Variants in CHN2 observed in about 807,000 individuals in gnomAD.
CHN2 encodes chimerin 2.
In CHN2, 35 loss-of-function variants were observed where a neutral mutation model predicts 56.3. That is an observed-to-expected ratio of 0.62 (90% CI 0.47 to 0.82). CHN2 has a LOEUF of 0.82. Ranked by LOEUF, CHN2 falls within the 40% of genes least tolerant of loss-of-function variation. The probability of loss-of-function intolerance (pLI) is 0.00; values close to 1 mark genes in which losing one functional copy is unlikely to be tolerated. For synonymous variants in CHN2, 210 were observed against 212.8 expected (o/e 0.99, Z 0.12); for missense variants, 491 against 580.5 (o/e 0.85, Z 1.58).
At chr7:29,223,447 A>G (rs554691654) in intron 1 of CHN2, among the ~76,000 whole-genome samples, 2 of 152,270 alleles carry the variant, frequency 1.3e-5, no homozygotes, top group South Asian at 2.1e-4. Context: ...ATCAATCACT[A>G]TGCTGACTTC....
intron 7 of CHN2, among the ~76,000 whole-genome samples, chr7:29,490,044 T>C (rs773026398): frequency 6.6e-6 from 1 of 152,072 alleles, no homozygotes; most frequent in Non-Finnish European, 1.5e-5. Context: ...CCCCAAGATA[T>C]AGGGATATTT....
rs765522042 is a variant in CHN2, at chr7:29,480,298, G to C, written c.596G>C (p.Arg199Thr). The C allele has an allele frequency of 1.2e-5, 20 of 1,614,064 alleles. No homozygotes were observed. Among genetic ancestry groups the C allele is most frequent in the Non-Finnish European group, 1.6e-5 (19 of 1,180,048 alleles). Reference protein sequence around the residue: ...AVEKISSLVRRAALTHNDNHF... With the variant: ...AVEKISSLVRTAALTHNDNHF... ...TCACAGATCTCCTCCCTGGTTCGAA[G>C]GGCTGCCCTCACACACAACGACAAC... is the stretch of plus-strand genomic sequence containing the variant. The change falls in exon 7 of 13, where the codon AGG becomes ACG. Residue 199 changes from arginine (R) to threonine (T), a missense_variant. Transcript: ENST00000222792.
At chr7:29,491,534 G>T (rs1788669545) in intron 7 of CHN2, among the ~76,000 whole-genome samples, 1 of 152,086 alleles carries the variant, frequency 6.6e-6, no homozygotes, top group Non-Finnish European at 1.5e-5. Flanking sequence ...TCAGTCTCCT[G>T]AGTAGCTAGG....
At chr7:29,188,060 G>T (rs1405911217) in intron 2 of CHN2, among the ~76,000 whole-genome samples, 1 of 151,624 alleles carries the variant, frequency 6.6e-6, no homozygotes, top group East Asian at 1.9e-4. Context: ...GATGTAACAG[G>T]GGGGTGGTAG....
At chr7:29,388,982 G>A (rs1476776848) in intron 3 of CHN2, among the ~76,000 whole-genome samples, 1 of 152,130 alleles carries the variant, frequency 6.6e-6, no homozygotes, top group Non-Finnish European at 1.5e-5. Context: ...CATGGGCCTG[G>A]TCCCTTCCCT....
At chr7:29,471,732 G>A (rs1786063130) in intron 6 of CHN2, among the ~76,000 whole-genome samples, 1 of 152,178 alleles carries the variant, frequency 6.6e-6, no homozygotes, top group Non-Finnish European at 1.5e-5. Context: ...TCTCAGATCA[G>A]AAGGCAGCAG....
chr7:29,194,681 C>T (rs1783397015), upstream of CHN2: 4 of 373,470 alleles, frequency 1.1e-5, no homozygotes, highest in South Asian at 9.9e-5. Flanking sequence ...TCCCTCTGCT[C>T]CCACCTACCC....
rs117176264 is a variant in CHN2, at chr7:29,254,353, T to G, written c.49+59363T>G. Among the ~76,000 whole-genome samples the G allele has an allele frequency of 2.4e-3, 373 of 152,344 alleles. 1 individual carries two copies. Among genetic ancestry groups the G allele is most frequent in the Non-Finnish European group, 3.8e-3 (256 of 68,036 alleles). ...TGGAGGAGACTAGTGCTAATGCTAG[T>G]CTATAAAGCTGATATAAAACATATT... On this transcript the variant is annotated intron_variant, in intron 1 of 12. Coordinates refer to ENST00000222792, the MANE Select transcript of CHN2 (RefSeq NM_004067.4).
At chr7:29,201,714 T>C (rs1784176181) in intron 1 of CHN2, among the ~76,000 whole-genome samples, 1 of 152,164 alleles carries the variant, frequency 6.6e-6, no homozygotes. Context: ...GTGGCTACCA[T>C]ATTGGACTAC....
intron 3 of CHN2, among the ~76,000 whole-genome samples, chr7:29,379,572 A>G (rs1435420762): frequency 1.2e-4 from 19 of 152,234 alleles, no homozygotes; most frequent in Admixed American, 1.0e-3. Context: ...AATAGTAAAA[A>G]TGCTGTAGAA....
At chr7:29,203,283 A>T (rs1396037460) in intron 1 of CHN2, among the ~76,000 whole-genome samples, 3 of 152,074 alleles carry the variant, frequency 2.0e-5, no homozygotes, top group Non-Finnish European at 4.4e-5. Flanking sequence ...CCTGACCATC[A>T]TGGTGAAACC....
intron 1 of CHN2, among the ~76,000 whole-genome samples, chr7:29,212,107 A>G (rs1391135079): frequency 1.3e-5 from 2 of 152,170 alleles, no homozygotes; most frequent in African/African-American, 2.4e-5. Flanking sequence ...TCTTTTTTAA[A>G]AAAAGAATGC....
intron 1 of CHN2, among the ~76,000 whole-genome samples, chr7:29,231,215 G>C (rs1024503856): frequency 3.9e-5 from 6 of 152,202 alleles, no homozygotes; most frequent in Non-Finnish European, 8.8e-5. Flanking sequence ...AGTTGCACAA[G>C]GAGCCAGTGT....
At chr7:29,277,379 C>G (rs1004536470) in intron 1 of CHN2, among the ~76,000 whole-genome samples, 3 of 152,154 alleles carry the variant, frequency 2.0e-5, no homozygotes, top group Non-Finnish European at 2.9e-5. Context: ...GATGTCAAGC[C>G]CATACTGGCA....
intron 1 of CHN2, among the ~76,000 whole-genome samples, chr7:29,264,899 G>T (rs561870930): frequency 6.8e-6 from 1 of 147,220 alleles, no homozygotes; most frequent in South Asian, 2.3e-4. Context: ...GTTAATTTAG[G>T]TAGAGTAAAT....
intron 2 of CHN2, among the ~76,000 whole-genome samples, chr7:29,162,218 C>A (rs559299830): frequency 5.9e-5 from 9 of 152,256 alleles, no homozygotes; most frequent in African/African-American, 2.2e-4. Context: ...AAACTGTTCA[C>A]AAATGTATGT....
At chr7:29,154,791 C>T (rs888349703) in intron 2 of CHN2, among the ~76,000 whole-genome samples, 2 of 152,168 alleles carry the variant, frequency 1.3e-5, no homozygotes, top group Admixed American at 6.5e-5. Context: ...ACCAAGATTA[C>T]GCCACTGCAC....
chr7:29,323,433 C>G (rs777452648), intron 1 of CHN2, among the ~76,000 whole-genome samples: 1 of 152,192 alleles, frequency 6.6e-6, no homozygotes, highest in African/African-American at 2.4e-5. Context: ...TCTGCTACCA[C>G]AGCCTAAGAT....
At chr7:29,196,616 A>G (rs1383912801) in intron 1 of CHN2, among the ~76,000 whole-genome samples, 4 of 152,244 alleles carry the variant, frequency 2.6e-5, no homozygotes, top group African/African-American at 9.6e-5. Flanking sequence ...CTGGTGGGGC[A>G]AAAGAAAAGA....
Sources: gnomAD v4.1 joint callset for allele counts (sites outside exome capture counted in the v4.1 genomes callset) on GRCh38, gnomAD v4.1.1 for gene constraint, MANE v1.5 for transcripts, NCBI Gene and HGNC (gene_info 2026-07-23, HGNC 2026-07-21) for gene names.